CIRSR: variants seen among roughly 807,000 people sequenced by gnomAD.
CIRSR encodes corepressor of RBPJ and splicing regulator.
the CIRSR span, among the ~76,000 whole-genome samples, chr2:174,393,422 A>G: frequency 6.6e-6 from 1 of 152,202 alleles, no homozygotes; most frequent in Non-Finnish European, 1.5e-5. Context: ...GACTTTTTAT[A>G]AGCTTGGGAA....
At chr2:174,361,600 G>A in the CIRSR span, among the ~76,000 whole-genome samples, 1 of 152,208 alleles carries the variant, frequency 6.6e-6, no homozygotes, top group Non-Finnish European at 1.5e-5. Flanking sequence ...ATGGCTTAGT[G>A]CAGCATTCTT....
chr2:174,363,446 T>G, the CIRSR span, among the ~76,000 whole-genome samples: 1 of 152,186 alleles, frequency 6.6e-6, no homozygotes, highest in East Asian at 1.9e-4. Flanking sequence ...CCTAGCCAGA[T>G]AAACATAAAA....
At chr2:174,389,783 T>C in the CIRSR span, among the ~76,000 whole-genome samples, 28,044 of 152,132 alleles carry the variant, frequency 0.18, 2,844 homozygotes, top group Non-Finnish European at 0.23. Flanking sequence ...GGTACAACCT[T>C]TGGTCTTCGT....
At chr2:174,390,003 C>T in the CIRSR span, among the ~76,000 whole-genome samples, 1 of 152,230 alleles carries the variant, frequency 6.6e-6, no homozygotes, top group East Asian at 1.9e-4. Flanking sequence ...TCTTGGAGAA[C>T]CTCTACTAGG....
the CIRSR span, among the ~76,000 whole-genome samples, chr2:174,354,586 TA>T: frequency 2.2e-4 from 4 of 18,004 alleles, no homozygotes; most frequent in South Asian, 7.6e-3. Context: ...ATATATTATA[TA>T]TATCATATAA....
At chr2:174,353,062 A>C in the CIRSR span, among the ~76,000 whole-genome samples, 2 of 152,214 alleles carry the variant, frequency 1.3e-5, no homozygotes, top group Admixed American at 1.3e-4. Flanking sequence ...CTCAGTTATA[A>C]GATAATATAT....
At chr2:174,380,461 G>A in the CIRSR span, among the ~76,000 whole-genome samples, 1 of 151,964 alleles carries the variant, frequency 6.6e-6, no homozygotes, top group African/African-American at 2.4e-5. Flanking sequence ...TTAAAAAAAT[G>A]AAAAAGTATA....
the CIRSR span, among the ~76,000 whole-genome samples, chr2:174,360,591 A>G: frequency 6.6e-6 from 1 of 152,230 alleles, no homozygotes; most frequent in Non-Finnish European, 1.5e-5. Flanking sequence ...AGTAGATGAA[A>G]TGATGGTAAT....
At chr2:174,375,696 T>C in the CIRSR span, among the ~76,000 whole-genome samples, 2 of 152,198 alleles carry the variant, frequency 1.3e-5, no homozygotes, top group Non-Finnish European at 2.9e-5. Context: ...TTTACCAAGG[T>C]TCGATGGGCA....
At chr2:174,385,783 C>G in the CIRSR span, among the ~76,000 whole-genome samples, 2 of 151,924 alleles carry the variant, frequency 1.3e-5, no homozygotes, top group Non-Finnish European at 2.9e-5. Flanking sequence ...AGCCATGAGT[C>G]CATATTGATA....
At chr2:174,388,717 T>C in the CIRSR span, among the ~76,000 whole-genome samples, 2 of 152,108 alleles carry the variant, frequency 1.3e-5, no homozygotes, top group Non-Finnish European at 2.9e-5. Flanking sequence ...ACAAAATATA[T>C]ATAAAATAAA....
the CIRSR span, among the ~76,000 whole-genome samples, chr2:174,374,816 T>C: frequency 3.7e-4 from 56 of 152,364 alleles, no homozygotes; most frequent in African/African-American, 1.3e-3. Context: ...TCCCATGTCT[T>C]GCATGCCAGC....
chr2:174,379,892 T>A, the CIRSR span, among the ~76,000 whole-genome samples: 1 of 151,822 alleles, frequency 6.6e-6, no homozygotes, highest in Non-Finnish European at 1.5e-5. Context: ...GCTAGCTAAT[T>A]TTTTGCATTT....
chr2:174,353,160 A>G, the CIRSR span, among the ~76,000 whole-genome samples: 1 of 152,168 alleles, frequency 6.6e-6, no homozygotes, highest in Non-Finnish European at 1.5e-5. Context: ...GATGATGGGG[A>G]AAAACTGTCT....
At chr2:174,348,692 C>T in the CIRSR span, 1 of 1,614,094 alleles carries the variant, frequency 6.2e-7, no homozygotes, top group East Asian at 2.2e-5. Context: ...TTCTCCGGCT[C>T]CTTTCCTCCC....
the CIRSR span, among the ~76,000 whole-genome samples, chr2:174,356,531 A>G: frequency 0.6 from 79,577 of 133,162 alleles, 25,289 homozygotes; most frequent in East Asian, 0.79. Context: ...AAGAAAGAAG[A>G]AAGGAAGGAA....
chr2:174,352,967 A>G, the CIRSR span, among the ~76,000 whole-genome samples: 1 of 152,238 alleles, frequency 6.6e-6, no homozygotes, highest in Non-Finnish European at 1.5e-5. Flanking sequence ...ACTCACCTGC[A>G]TATTATCATG....
At chr2:174,377,773 C>T in the CIRSR span, among the ~76,000 whole-genome samples, 8 of 125,234 alleles carry the variant, frequency 6.4e-5, no homozygotes, top group Non-Finnish European at 1.1e-4. Context: ...TGCAGTGAGC[C>T]GAGATTGCGC....
the CIRSR span, among the ~76,000 whole-genome samples, chr2:174,366,162 C>A: frequency 1.3e-5 from 2 of 151,748 alleles, no homozygotes; most frequent in East Asian, 3.9e-4. Flanking sequence ...TGGAAACTTC[C>A]CAAACTGAAA....
Sources: gnomAD v4.1 joint callset for allele counts (sites outside exome capture counted in the v4.1 genomes callset) on GRCh38, gnomAD v4.1.1 for gene constraint, MANE v1.5 for transcripts, NCBI Gene and HGNC (gene_info 2026-07-23, HGNC 2026-07-21) for gene names.